Variants in NEBL observed in about 807,000 individuals in gnomAD.
NEBL encodes the protein nebulette.
NEBL carries 122 observed loss-of-function variants against 140.2 expected under a neutral mutation model. The ratio of observed to expected loss-of-function variants is 0.87; its 90% CI spans 0.75 to 1.01. The LOEUF is 1.01. NEBL is among the 50% of genes least tolerant of loss of function. NEBL has a pLI of 0.00. For synonymous variants in NEBL, 436 were observed against 398.9 expected, an observed-to-expected ratio of 1.09 and a Z score of -1.11; for missense variants, 1,365 against 1,231.3, an observed-to-expected ratio of 1.11 and a Z score of -1.62.
chr10:21,124,608 T>C (rs1838729822), intron 2 of NEBL, among the ~76,000 whole-genome samples: 1 of 152,102 alleles, frequency 6.6e-6, no homozygotes. Context: ...ATGGGGAATG[T>C]AGAGTTTGGA....
chr10:21,101,751 A>C (rs1837489780), intron 2 of NEBL, among the ~76,000 whole-genome samples: 1 of 152,228 alleles, frequency 6.6e-6, no homozygotes, highest in Non-Finnish European at 1.5e-5. Flanking sequence ...ACGCCACTAA[A>C]ACAACTTTGT....
chr10:21,107,559 AT>A (rs1394839197), intron 2 of NEBL, among the ~76,000 whole-genome samples: 2 of 152,158 alleles, frequency 1.3e-5, no homozygotes, highest in African/African-American at 4.8e-5. Flanking sequence ...GTGCTGCTGG[AT>A]TCAGTTTGCC....
At chr10:21,059,080 C>G (rs750480903) in intron 2 of NEBL, among the ~76,000 whole-genome samples, 29 of 152,176 alleles carry the variant, frequency 1.9e-4, no homozygotes, top group Admixed American at 8.5e-4. Context: ...ACATATTAGA[C>G]AGGCTTTACT....
intron 22 of NEBL, 104 bp downstream of exon 22, chr10:20,815,521 T>A (rs2130803951): frequency 2.1e-6 from 2 of 936,914 alleles, no homozygotes; most frequent in Middle Eastern, 6.2e-4. Context: ...ACATCACAAA[T>A]GTTTCTTGAA....
chr10:21,025,367 A>G (rs1319292530), intron 2 of NEBL, among the ~76,000 whole-genome samples: 1 of 152,242 alleles, frequency 6.6e-6, no homozygotes, highest in Non-Finnish European at 1.5e-5. Flanking sequence ...GACAGTTGCA[A>G]CAAATCCAGA....
intron 2 of NEBL, among the ~76,000 whole-genome samples, chr10:21,063,970 GC>G (rs1835416675): frequency 6.6e-6 from 1 of 152,030 alleles, no homozygotes; most frequent in Non-Finnish European, 1.5e-5. Flanking sequence ...TACCAGGAAG[GC>G]TGAGGAAGGA....
chr10:20,954,699 G>A (rs1005976995), intron 4 of NEBL, among the ~76,000 whole-genome samples: 3 of 152,110 alleles, frequency 2.0e-5, no homozygotes, highest in Non-Finnish European at 4.4e-5. Flanking sequence ...GAAGAGGAGG[G>A]GGCCTGGCTC....
At chr10:21,185,305 G>A (rs1009508511) in intron 3 of NEBL, among the ~76,000 whole-genome samples, 2 of 152,062 alleles carry the variant, frequency 1.3e-5, no homozygotes, top group Non-Finnish European at 2.9e-5. Context: ...CCCAGAGACT[G>A]CAGAGACCTG....
chr10:21,201,567 C>A (rs1350536672), intron 3 of NEBL, among the ~76,000 whole-genome samples: 1 of 151,974 alleles, frequency 6.6e-6, no homozygotes, highest in Non-Finnish European at 1.5e-5. Context: ...TAGCTATGAA[C>A]CTGAATATGT....
At chr10:20,895,208 G>T (rs1847372429) in intron 2 of NEBL, among the ~76,000 whole-genome samples, 4 of 152,130 alleles carry the variant, frequency 2.6e-5, no homozygotes, top group African/African-American at 9.7e-5. Flanking sequence ...AGTCCTGATG[G>T]TTTATGTAAC....
intron 2 of NEBL, among the ~76,000 whole-genome samples, chr10:21,105,510 A>G (rs1002350910): frequency 3.3e-5 from 5 of 152,214 alleles, no homozygotes; most frequent in African/African-American, 9.6e-5. Flanking sequence ...TGCAAAGGAC[A>G]TGAACTCATC....
intron 3 of NEBL, among the ~76,000 whole-genome samples, chr10:21,201,787 G>T (rs1841740791): frequency 6.6e-6 from 1 of 151,984 alleles, no homozygotes; most frequent in South Asian, 2.1e-4. Context: ...TAGCATGGTT[G>T]ATCTTTGTTT....
chr10:21,058,100 T>A (rs1453525451), intron 2 of NEBL, among the ~76,000 whole-genome samples: 2 of 152,196 alleles, frequency 1.3e-5, no homozygotes, highest in Admixed American at 1.3e-4. Flanking sequence ...ATGATACTAC[T>A]AACAGCTACT....
intron 3 of NEBL, among the ~76,000 whole-genome samples, chr10:20,968,003 A>G (rs1216286077): frequency 1.3e-5 from 2 of 151,900 alleles, no homozygotes; most frequent in African/African-American, 4.8e-5. Flanking sequence ...TTCAGTTGAT[A>G]TTTTCAGTCA....
chr10:21,274,271 C>A (rs1042535895), intron 1 of NEBL, among the ~76,000 whole-genome samples: 6 of 152,152 alleles, frequency 3.9e-5, no homozygotes, highest in Non-Finnish European at 5.9e-5. Flanking sequence ...TGGCCCCAGA[C>A]AGAGTCAGAA....
rs1161847970 is a variant in NEBL at position 20,780,505 on chromosome 10, C to T, written c.*5242G>A. On this transcript the variant is annotated 3_prime_UTR_variant, in exon 28 of 28. Transcript: ENST00000377122. ...ACCAATGTAAATGCACTGAAGGCAG[C>T]ACACACCTCTGATGCGATTTGATGT... 6.6e-6 allele frequency: 1 copy of T among 152,104 alleles called. No homozygotes were observed. The highest frequency in any genetic ancestry group is 1.9e-4 in the East Asian group (1 of 5,188). The allele number at this position is 152,104 out of a possible 1,614,324, so 9.4% of individuals were successfully genotyped here. A position where few individuals can be genotyped will look rare whatever the true frequency, so the allele number is the denominator to read the frequency against.
intron 13 of NEBL, 35 bp from the exon 14 acceptor site, chr10:20,835,658 T>G (rs1840813558): frequency 1.4e-6 from 2 of 1,427,006 alleles, no homozygotes; most frequent in African/African-American, 2.8e-5. Flanking sequence ...ATTCAAACAC[T>G]CAGTGGGCAA....
chr10:20,826,151 A>T (rs1839830698), intron 18 of NEBL, among the ~76,000 whole-genome samples: 1 of 152,172 alleles, frequency 6.6e-6, no homozygotes, highest in African/African-American at 2.4e-5. Context: ...TTCTCTGCAA[A>T]ATTTAATAGA....
At chr10:21,240,122 T>C (rs1455603070) in intron 3 of NEBL, among the ~76,000 whole-genome samples, 2 of 152,154 alleles carry the variant, frequency 1.3e-5, no homozygotes, top group Non-Finnish European at 2.9e-5. Flanking sequence ...AACCTGTACA[T>C]AGCTGGTATA....
Sources: allele counts gnomAD v4.1 joint callset (sites outside exome capture counted in the v4.1 genomes callset), GRCh38; gene constraint gnomAD v4.1.1; transcripts MANE v1.5; gene names NCBI Gene and HGNC (gene_info 2026-07-23, HGNC 2026-07-21).